Variants in NXPH1 observed in about 807,000 individuals in gnomAD.
NXPH1 encodes neurexophilin-1.
A neutral mutation model predicts 23.7 loss-of-function variants in NXPH1; 5 were observed. That is an observed-to-expected ratio of 0.21 (90% CI 0.11 to 0.44). The LOEUF (loss-of-function observed/expected upper bound fraction) is 0.44, where lower values mean the gene tolerates loss of function less well. NXPH1 is among the 20% of genes least tolerant of loss of function. The pLI is 0.99. For missense variants in NXPH1, 324 were observed against 321.6 expected (o/e 1.01, Z -0.06); for synonymous variants, 144 against 122.2 (o/e 1.18, Z -1.18).
At chr7:8,731,590 G>T (rs1052165245) in intron 2 of NXPH1, among the ~76,000 whole-genome samples, 4 of 152,156 alleles carry the variant, frequency 2.6e-5, no homozygotes, top group African/African-American at 9.7e-5. Flanking sequence ...GTCTGTTGGA[G>T]TACTCGGCTG....
chr7:8,512,123 A>G (rs1057278618), intron 2 of NXPH1, among the ~76,000 whole-genome samples: 1 of 152,098 alleles, frequency 6.6e-6, no homozygotes, highest in Non-Finnish European at 1.5e-5. Context: ...ACAGGAAGGA[A>G]CCAGAGGGAT....
At chr7:8,575,916 G>C (rs1205544995) in intron 2 of NXPH1, among the ~76,000 whole-genome samples, 1 of 151,954 alleles carries the variant, frequency 6.6e-6, no homozygotes, top group Non-Finnish European at 1.5e-5. Context: ...CTTCTTTATA[G>C]AGTGCTTGAA....
chr7:8,529,619 T>TACACA (rs1817920910), intron 2 of NXPH1, among the ~76,000 whole-genome samples: 1 of 152,194 alleles, frequency 6.6e-6, no homozygotes, highest in Non-Finnish European at 1.5e-5. Flanking sequence ...ATTAAATTTA[T>TACACA]TAACTCAATC....
At chr7:8,742,845 G>T (rs1021235561) in intron 2 of NXPH1, among the ~76,000 whole-genome samples, 4 of 152,254 alleles carry the variant, frequency 2.6e-5, no homozygotes, top group Admixed American at 2.0e-4. Context: ...GATATATCCT[G>T]TGGAATAGTG....
chr7:8,570,871 G>A (rs551214574), intron 2 of NXPH1, among the ~76,000 whole-genome samples: 3 of 151,878 alleles, frequency 2.0e-5, no homozygotes, highest in Non-Finnish European at 4.4e-5. Flanking sequence ...GAGTCATAAG[G>A]AGATCTTAAC....
intron 2 of NXPH1, among the ~76,000 whole-genome samples, chr7:8,596,442 T>TC (rs1359358570): frequency 6.6e-6 from 1 of 152,142 alleles, no homozygotes; most frequent in Non-Finnish European, 1.5e-5. Context: ...AAATCTAACA[T>TC]CAACCACTGC....
intron 2 of NXPH1, among the ~76,000 whole-genome samples, chr7:8,578,110 G>A (rs1334445036): frequency 6.6e-6 from 1 of 152,146 alleles, no homozygotes; most frequent in South Asian, 2.1e-4. Flanking sequence ...AACTTTTGGG[G>A]CGATTTGTTA....
At chr7:8,518,114 A>G (rs1397617874) in intron 2 of NXPH1, among the ~76,000 whole-genome samples, 2 of 152,168 alleles carry the variant, frequency 1.3e-5, no homozygotes, top group African/African-American at 2.4e-5. Flanking sequence ...GTACATAGTA[A>G]GTGTAAAAAA....
At position 8,711,820 on chromosome 7, in the gene NXPH1, G is replaced by A. The variant is rs368286016; in HGVS notation, c.55-39188G>A. Among the ~76,000 whole-genome samples, 44 of 152,240 alleles carry A rather than the reference G, an allele frequency of 2.9e-4. No homozygotes were observed. In the South Asian group the frequency reaches 3.9e-3, roughly 14 times the overall value. ...TGAGGAACTGAATGCCAGGGTAAGC[G>A]ATATTCTAAAGAGATTATAAAGCCA... is the stretch of plus-strand genomic sequence containing the variant. On this transcript the variant is annotated intron_variant, in intron 2 of 2. Transcript: ENST00000405863.
intron 2 of NXPH1, among the ~76,000 whole-genome samples, chr7:8,569,803 T>G (rs1243435393): frequency 1.3e-5 from 2 of 151,870 alleles, no homozygotes; most frequent in African/African-American, 4.8e-5. Context: ...CCCACACTAC[T>G]CAACACTGAA....
chr7:8,532,899 A>C (rs1817970645), intron 2 of NXPH1, among the ~76,000 whole-genome samples: 1 of 152,094 alleles, frequency 6.6e-6, no homozygotes, highest in African/African-American at 2.4e-5. Flanking sequence ...TGTGGGGGTA[A>C]ATGAGGCAAT....
At chr7:8,619,406 A>C (rs1039273294) in intron 2 of NXPH1, among the ~76,000 whole-genome samples, 12 of 152,198 alleles carry the variant, frequency 7.9e-5, no homozygotes, top group African/African-American at 2.9e-4. Context: ...ACTCTTTACT[A>C]GAGTTTTGGT....
intron 2 of NXPH1, among the ~76,000 whole-genome samples, chr7:8,661,567 G>T (rs1237976801): frequency 6.6e-6 from 1 of 152,048 alleles, no homozygotes; most frequent in Non-Finnish European, 1.5e-5. Context: ...GGCCCAACCA[G>T]AAACAGAAAC....
intron 2 of NXPH1, among the ~76,000 whole-genome samples, chr7:8,533,667 T>C (rs951201603): frequency 7.9e-5 from 12 of 152,176 alleles, no homozygotes; most frequent in African/African-American, 2.9e-4. Context: ...CTGATACTAT[T>C]AATACTTTTA....
intron 2 of NXPH1, among the ~76,000 whole-genome samples, chr7:8,536,312 A>G (rs567560331): frequency 7.9e-5 from 12 of 152,074 alleles, no homozygotes; most frequent in Non-Finnish European, 1.5e-4. Context: ...GGGAGTAAAC[A>G]TGGGTGTCAG....
chr7:8,512,744 C>T (rs1817631268), intron 2 of NXPH1, among the ~76,000 whole-genome samples: 1 of 151,956 alleles, frequency 6.6e-6, no homozygotes, highest in African/African-American at 2.4e-5. Flanking sequence ...TTTATTGTAC[C>T]CATAATAAAG....
intron 2 of NXPH1, among the ~76,000 whole-genome samples, chr7:8,691,255 T>A (rs1263771527): frequency 6.6e-6 from 1 of 152,098 alleles, no homozygotes; most frequent in Non-Finnish European, 1.5e-5. Context: ...TTCAAGCAAT[T>A]CTCCTCCCTC....
At chr7:8,613,903 C>T (rs10250739) in intron 2 of NXPH1, among the ~76,000 whole-genome samples, 45,006 of 151,432 alleles carry the variant, frequency 0.3, 7,547 homozygotes, top group African/African-American at 0.44. Flanking sequence ...ACTGAACACA[C>T]GTGTATATAT....
chr7:8,621,757 A>G (rs1256928098), intron 2 of NXPH1, among the ~76,000 whole-genome samples: 1 of 152,150 alleles, frequency 6.6e-6, no homozygotes, highest in Non-Finnish European at 1.5e-5. Flanking sequence ...AGGTGCTGGG[A>G]TTCAACTCTT....
Sources: gnomAD v4.1 joint callset for allele counts (sites outside exome capture counted in the v4.1 genomes callset) on GRCh38, gnomAD v4.1.1 for gene constraint, MANE v1.5 for transcripts, NCBI Gene and HGNC (gene_info 2026-07-23, HGNC 2026-07-21) for gene names.